Variants in WTAP observed in about 807,000 individuals in gnomAD.
The protein encoded by WTAP is pre-mRNA-splicing regulator WTAP.
WTAP carries 8 observed loss-of-function variants against 50.0 expected under a neutral mutation model. That is an observed-to-expected ratio of 0.16 (90% confidence interval 0.09 to 0.29). The LOEUF is 0.29. WTAP is among the 10% of genes least tolerant of loss of function. WTAP has a pLI of 1.00. For missense variants in WTAP, 295 were observed against 470.7 expected (o/e 0.63, Z 3.45); for synonymous variants, 194 against 169.0 (o/e 1.15, Z -1.15).
chr6:159,738,600 A>G (rs561100588), intron 2 of WTAP, among the ~76,000 whole-genome samples: 6 of 152,216 alleles, frequency 3.9e-5, no homozygotes, highest in African/African-American at 1.4e-4. Flanking sequence ...TATATGGCAC[A>G]TTCATTTTTA....
chr6:159,748,481 C>CA lies in WTAP; in HGVS notation c.452+120dup, dbSNP rs940152324. 2.7e-5 allele frequency: 41 copies of CA among 1,494,888 alleles called. No individual in the cohort carries two copies. The highest frequency in any genetic ancestry group is 2.7e-4 in the East Asian group (11 of 41,222). The allele number at this position is 1,494,888 out of a possible 1,614,324, so 92.6% of individuals were successfully genotyped here. On this transcript the variant is annotated intron_variant, in intron 6 of 7. Coordinates refer to ENST00000621533, the MANE Select transcript of WTAP (RefSeq NM_001270531.2). The surrounding 1 kb of genome is among the most constrained non-coding windows in gnomAD (Gnocchi z 5.6). ...ACACCAAGACTCAGACTTTTTGAGC[C>CA]AAAAAAAAGCCACATTCTTACACTG...
At chr6:159,746,063 C>T (rs903181433) in intron 5 of WTAP, among the ~76,000 whole-genome samples, 1 of 152,154 alleles carries the variant, frequency 6.6e-6, no homozygotes, top group Non-Finnish European at 1.5e-5. Flanking sequence ...CCAGCATTCC[C>T]TCCTCCTTCC....
rs1375939103 is a variant in WTAP, at chr6:159,755,515, G to T, written c.1095G>T (p.Glu365Asp). Reference sequence around the variant, plus strand: ...ACTCCAGTCATGACCCTCAAGAGGAGAAAGCAGTGAGTGGGAAAGGTAATC... The same window carrying T: ...ACTCCAGTCATGACCCTCAAGAGGATAAAGCAGTGAGTGGGAAAGGTAATC... ...DTDSSHDPQEEKAVSGKGNRT... is the reference protein window; with the variant it reads ...DTDSSHDPQEDKAVSGKGNRT... Residue 365 changes from glutamate to aspartate, a missense_variant, in exon 8 of 8, where the codon GAG becomes GAT. Physicochemically the swap from Glu to Asp is conservative, Grantham distance 45. Around this residue, in one of 2 missense-constraint regions of WTAP, gnomAD observed 175 missense variants for 183.1 expected, o/e 0.96. Transcript: ENST00000621533. 2 of 1,614,186 alleles carry T rather than the reference G, an allele frequency of 1.2e-6. No individual in the cohort carries two copies. Among genetic ancestry groups the T allele is most frequent in the Non-Finnish European group, 8.5e-7 (1 of 1,180,042 alleles).
intron 6 of WTAP, among the ~76,000 whole-genome samples, chr6:159,750,296 TCAAA>T (rs2114951236): frequency 6.6e-6 from 1 of 152,360 alleles, no homozygotes; most frequent in Non-Finnish European, 1.5e-5. Flanking sequence ...TAACATGTAC[TCAAA>T]TTGAGCAGGC....
At chr6:159,736,981 T>A (rs1778962667) in intron 2 of WTAP, among the ~76,000 whole-genome samples, 1 of 152,228 alleles carries the variant, frequency 6.6e-6, no homozygotes, top group South Asian at 2.1e-4. Context: ...AGATTACTCA[T>A]TAAATGAATA....
At chr6:159,728,411 T>TA (rs1466122466) in intron 1 of WTAP, among the ~76,000 whole-genome samples, 44 of 142,584 alleles carry the variant, frequency 3.1e-4, no homozygotes, top group South Asian at 1.1e-3. Context: ...TGTGATTATG[T>TA]AAAAAAAACA....
Position 159,742,157 on chromosome 6 carries a change from G to A in WTAP, c.145+11G>A. Reference sequence around the variant, plus strand: ...ACACAGATCTTAACTGTAAGTTTGAGTTTTAGCTTCCTAAAGACTGAATAA... The same window carrying A: ...ACACAGATCTTAACTGTAAGTTTGAATTTTAGCTTCCTAAAGACTGAATAA... On this transcript the variant is annotated intron_variant, in intron 4 of 7. Transcript: ENST00000621533. 1 of 1,595,998 alleles carries A rather than the reference G, an allele frequency of 6.3e-7. No individual in the cohort carries two copies. The highest frequency in any genetic ancestry group is 1.4e-5 in the African/African-American group (1 of 73,932).
chr6:159,736,510 A>G, intron 2 of WTAP: 1 of 418,718 alleles, frequency 2.4e-6, no homozygotes, highest in Non-Finnish European at 4.2e-6. Context: ...CAGATTTTGG[A>G]AAACTTTAGT....
At chr6:159,749,333 G>A (rs562735446) in intron 6 of WTAP, 19 of 985,512 alleles carry the variant, frequency 1.9e-5, no homozygotes, top group East Asian at 1.1e-4. Flanking sequence ...GAGCTTTGTC[G>A]TTGGTGTTAA....
intron 1 of WTAP, among the ~76,000 whole-genome samples, chr6:159,728,821 A>G (rs949769928): frequency 6.6e-6 from 1 of 152,212 alleles, no homozygotes; most frequent in Non-Finnish European, 1.5e-5. Context: ...CAGTGCTTTT[A>G]TATGTTAAGG....
At chr6:159,738,838 A>C (rs897271196) in intron 2 of WTAP, 152 bp from the exon 3 acceptor site, 2 of 505,276 alleles carry the variant, frequency 4.0e-6, no homozygotes, top group African/African-American at 4.0e-5. Context: ...CCTTAAAAAA[A>C]AAAAACTTTT....
Position 159,742,081 on chromosome 6 carries a change from T to C in WTAP, c.87-7T>C. On this transcript the variant is annotated splice_polypyrimidine_tract_variant and splice_region_variant and intron_variant, in intron 3 of 7. Transcript: ENST00000621533. ...TAACAACTAATGTATGGATTTTTTT[T>C]TATTAGATGGAAACAATATGAAGCA... The C allele has an allele frequency of 1.9e-6, 3 of 1,592,032 alleles. No individual in the cohort carries two copies. The highest frequency in any genetic ancestry group is 2.6e-6 in the Non-Finnish European group (3 of 1,169,754).
At chr6:159,739,935 C>T (rs563887525) in intron 3 of WTAP, among the ~76,000 whole-genome samples, 3 of 126,968 alleles carry the variant, frequency 2.4e-5, no homozygotes, top group African/African-American at 8.9e-5. Context: ...TTTTGTTATT[C>T]TAAAACACTT....
intron 1 of WTAP, among the ~76,000 whole-genome samples, chr6:159,733,144 T>C (rs1778691225): frequency 6.6e-6 from 1 of 151,238 alleles, no homozygotes; most frequent in Non-Finnish European, 1.5e-5. Context: ...GATAATAAAC[T>C]GGGCAACAAG....
intron 5 of WTAP, among the ~76,000 whole-genome samples, chr6:159,745,804 T>TA (rs1318536511): frequency 1.3e-5 from 2 of 152,160 alleles, no homozygotes; most frequent in African/African-American, 4.8e-5. Flanking sequence ...GTGAGGCTGT[T>TA]AAAATAGTTC....
intron 5 of WTAP, among the ~76,000 whole-genome samples, chr6:159,745,690 T>G (rs749197544): frequency 1.3e-5 from 2 of 152,264 alleles, no homozygotes; most frequent in Non-Finnish European, 1.5e-5. Context: ...GCAAGAGATG[T>G]ATGTGATGGA....
At chr6:159,743,608 G>A (rs149754385) in intron 4 of WTAP, 57 bp from the exon 5 acceptor site, 645 of 1,492,846 alleles carry the variant, frequency 4.3e-4, no homozygotes, top group Non-Finnish European at 5.6e-4. Flanking sequence ...GTTCTTGACA[G>A]AGGTATTTAG....
chr6:159,741,920 C>T (rs938978699), intron 3 of WTAP, 168 bp from the exon 4 acceptor site: 3 of 533,750 alleles, frequency 5.6e-6, no homozygotes, highest in East Asian at 7.2e-5. Context: ...ACGCTGCACT[C>T]CAGCCTGGGG....
At chr6:159,744,237 G>A (rs1401240704) in intron 5 of WTAP, among the ~76,000 whole-genome samples, 2 of 152,066 alleles carry the variant, frequency 1.3e-5, no homozygotes, top group Non-Finnish European at 1.5e-5. Flanking sequence ...TTAATTGTTA[G>A]AACTTTGATG....
Sources: allele counts gnomAD v4.1 joint callset (sites outside exome capture counted in the v4.1 genomes callset), GRCh38; gene constraint gnomAD v4.1.1; regional missense constraint gnomAD v4.1.1; non-coding constraint Gnocchi (gnomAD v3.1); transcripts MANE v1.5; gene names NCBI Gene and HGNC (gene_info 2026-07-23, HGNC 2026-07-21).